The following SSR2 variants were observed in gnomAD, a reference collection of about 807,000 sequenced individuals.
SSR2 encodes the protein signal sequence receptor subunit 2, also known as translocon-associated protein subunit beta.
A neutral mutation model predicts 22.6 loss-of-function variants in SSR2; 16 were observed. The observed-to-expected ratio is 0.71, with a 90% CI of 0.48 to 1.08. The LOEUF is 1.08. SSR2 is among the 50% of genes least tolerant of loss of function. The pLI, the probability that SSR2 is intolerant of heterozygous loss-of-function variation, is 0.00. For synonymous variants in SSR2, 83 were observed against 91.2 expected (o/e 0.91, Z 0.51); for missense variants, 171 against 221.6 (o/e 0.77, Z 1.45).
chr1:156,015,431 C>T (rs905179289), intron 3 of SSR2, among the ~76,000 whole-genome samples: 6 of 132,704 alleles, frequency 4.5e-5, no homozygotes, highest in African/African-American at 8.5e-5. Flanking sequence ...TGCTTGAACC[C>T]GGGAGGCGGA....
chr1:156,012,335 TG>T, intron 4 of SSR2: 4 of 326,724 alleles, frequency 1.2e-5, no homozygotes, highest in Non-Finnish European at 2.4e-5. Context: ...AGGGTTAATG[TG>T]AGGCTCAAAT....
chr1:156,009,774 G>T, intron 5 of SSR2, 124 bp from the exon 6 acceptor site: 1 of 637,086 alleles, frequency 1.6e-6, no homozygotes, highest in Non-Finnish European at 2.6e-6. Context: ...TTGATACAAA[G>T]TCTTAGTTTT....
chr1:156,014,894 C>T (rs762586729), intron 4 of SSR2, 67 bp downstream of exon 4: 30 of 1,306,872 alleles, frequency 2.3e-5, no homozygotes, highest in Admixed American at 3.7e-5. Context: ...CCTCTTACCC[C>T]CACCACAAGA....
chr1:156,012,215 G>T (rs1037642965), intron 4 of SSR2: 2 of 299,532 alleles, frequency 6.7e-6, no homozygotes, highest in Non-Finnish European at 1.3e-5. Context: ...ACTCTGCAAA[G>T]AGTGAAGTTG....
chr1:156,009,261 A>C lies in SSR2; in HGVS notation c.*279T>G. On this transcript the variant is annotated 3_prime_UTR_variant, in exon 6 of 6. Transcript: ENST00000295702. ...AATTCACGTTGCCAGCAATAAACCA[A>C]CAGCACCTCAGTGGGGCATCAGAGG... 1 of 341,362 alleles carries C rather than the reference A, an allele frequency of 2.9e-6. No individual in the cohort carries two copies. Among genetic ancestry groups the C allele is most frequent in the Non-Finnish European group, 5.3e-6 (1 of 187,220 alleles). The allele number at this position is 341,362 out of a possible 1,614,324, so 21.1% of individuals were successfully genotyped here.
chr1:156,018,456 C>CAAA, intron 2 of SSR2, 88 bp from the exon 3 acceptor site: 1 of 1,053,998 alleles, frequency 9.5e-7, no homozygotes, highest in Non-Finnish European at 1.4e-6. Context: ...CCTGTAATCC[C>CAAA]AGCACTTTTG....
chr1:156,018,233 C>A (rs772729415), intron 3 of SSR2, 37 bp downstream of exon 3: 4 of 1,539,918 alleles, frequency 2.6e-6, no homozygotes, highest in East Asian at 4.5e-5. Context: ...GCTCTCCCTG[C>A]CCCCCGACCC....
chr1:156,010,975 CT>C (rs879810521), intron 5 of SSR2: 253 of 145,920 alleles, frequency 1.7e-3, no homozygotes, highest in East Asian at 4.6e-3. Context: ...CCCCATTTAC[CT>C]TTTTTTTTTT....
Position 156,018,827 on chromosome 1 carries a change from C to T in SSR2, c.156-459G>A, listed in dbSNP as rs1683101687. ...GTCAGGAGTTCAAGACCAGCCTGGC[C>T]AACATGGTGAAACTCCGTCTCTAAA... On this transcript the variant is annotated intron_variant, in intron 2 of 5. Coordinates refer to ENST00000295702, the MANE Select transcript of SSR2 (RefSeq NM_003145.4). Among the ~76,000 whole-genome samples the T allele has an allele frequency of 2.0e-5, 3 of 151,706 alleles. No homozygotes were observed. The South Asian group carries it at 6.2e-4, about 32-fold the overall frequency.
intron 3 of SSR2, among the ~76,000 whole-genome samples, chr1:156,017,739 GTTTTTTTTTTT>G (rs757236241): frequency 5.7e-4 from 35 of 61,910 alleles, no homozygotes; most frequent in African/African-American, 1.2e-3. Flanking sequence ...TATGTTTCAG[GTTTTTTTTTTT>G]TTTTTTTTTT....
chr1:156,018,439 G>T, intron 2 of SSR2, 71 bp from the exon 3 acceptor site: 1 of 1,255,220 alleles, frequency 8.0e-7, no homozygotes, highest in Non-Finnish European at 1.1e-6. Flanking sequence ...GGGCGCCGTG[G>T]CTCACGCCTG....
intron 3 of SSR2, among the ~76,000 whole-genome samples, chr1:156,017,596 C>A (rs1683075765): frequency 6.6e-6 from 1 of 152,120 alleles, no homozygotes; most frequent in Non-Finnish European, 1.5e-5. Context: ...GATCCACCCA[C>A]CTTGGCCTCC....
chr1:156,015,438 C>T (rs1291822664), intron 3 of SSR2, among the ~76,000 whole-genome samples: 1 of 124,234 alleles, frequency 8.0e-6, no homozygotes, highest in Admixed American at 1.0e-4. Context: ...ACCCGGGAGG[C>T]GGAGGTTGAG....
At chr1:156,012,262 C>T (rs946067361) in intron 4 of SSR2, 3 of 301,820 alleles carry the variant, frequency 9.9e-6, no homozygotes, top group Admixed American at 4.3e-5. Context: ...GCAAGGTGTG[C>T]GTGGAATGAC....
Position 156,015,272 on chromosome 1 carries a change from G to A in SSR2, c.255-203C>T, listed in dbSNP as rs191672829. On this transcript the variant is annotated intron_variant, in intron 3 of 5. Coordinates refer to ENST00000295702, the MANE Select transcript of SSR2 (RefSeq NM_003145.4). ...TGTAATCCTAGCACTTTGGGAGGCC[G>A]AGGCGGGTGGATTGGCTGAGTTCAG... Among the ~76,000 whole-genome samples, 16 of 151,846 alleles carry A rather than the reference G, an allele frequency of 1.1e-4. No homozygotes were observed. In the East Asian group the frequency reaches 1.9e-3, roughly 18 times the overall value.
chr1:156,020,144 C>T lies in SSR2; in HGVS notation c.24G>A (p.Val8=). The change falls in exon 2 of 6, where the codon GTG becomes GTA. Residue 8 remains valine, a synonymous_variant. Coordinates refer to ENST00000295702, the MANE Select transcript of SSR2 (RefSeq NM_003145.4). MRLLSFV[V]LALFAVTQAE... Reference sequence around the variant, plus strand: ...CTTGAGTGACAGCAAATAGAGCCAACACCACAAATGACAGCAGCCTCATCT... The same window carrying T: ...CTTGAGTGACAGCAAATAGAGCCAATACCACAAATGACAGCAGCCTCATCT... The T allele has an allele frequency of 1.2e-6, 2 of 1,614,104 alleles. No homozygotes were observed. The highest frequency in any genetic ancestry group is 1.7e-6 in the Non-Finnish European group (2 of 1,180,008).
chr1:156,014,261 A>G (rs940293235), intron 4 of SSR2: 1 of 152,028 alleles, frequency 6.6e-6, no homozygotes, highest in African/African-American at 2.4e-5. Flanking sequence ...ACCTGGGATC[A>G]CAGGCACGTG....
At chr1:156,020,475 T>C (rs774957632) in intron 1 of SSR2, 1 of 321,370 alleles carries the variant, frequency 3.1e-6, no homozygotes, top group Non-Finnish European at 6.1e-6. Flanking sequence ...CAGGGCTTCC[T>C]TGGGGTGCCT....
At chr1:156,016,731 T>C (rs534830195) in intron 3 of SSR2, among the ~76,000 whole-genome samples, 8 of 152,298 alleles carry the variant, frequency 5.3e-5, no homozygotes, top group African/African-American at 1.7e-4. Flanking sequence ...ATCCCCAATG[T>C]TGGAGGAGGG....
Sources: allele counts gnomAD v4.1 joint callset (sites outside exome capture counted in the v4.1 genomes callset), GRCh38; gene constraint gnomAD v4.1.1; transcripts MANE v1.5; gene names NCBI Gene and HGNC (gene_info 2026-07-23, HGNC 2026-07-21).